The following ADAM23 variants were observed in gnomAD, a reference collection of about 807,000 sequenced individuals.
ADAM23 encodes the protein ADAM metallopeptidase domain 23, also known as disintegrin and metalloproteinase domain-containing protein 23.
In ADAM23, 33 loss-of-function variants were observed where a neutral mutation model predicts 120.1. That is an observed-to-expected ratio of 0.27 (90% CI 0.21 to 0.37). The LOEUF (loss-of-function observed/expected upper bound fraction) is 0.37, where lower values mean the gene tolerates loss of function less well. Ranked by LOEUF, ADAM23 falls within the 10% of genes least tolerant of loss-of-function variation. The pLI is 1.00. For missense variants in ADAM23, 862 were observed against 1,058.2 expected (o/e 0.81, Z 2.57); for synonymous variants, 367 against 375.2 (o/e 0.98, Z 0.25).
intron 21 of ADAM23, among the ~76,000 whole-genome samples, chr2:206,590,035 C>T (rs752144958): frequency 7.9e-5 from 12 of 151,980 alleles, no homozygotes; most frequent in East Asian, 1.9e-4. Flanking sequence ...CTAGTTAGTA[C>T]ATATTAAAGC....
chr2:206,529,881 G>A (rs1432287406), intron 3 of ADAM23, among the ~76,000 whole-genome samples: 8 of 151,316 alleles, frequency 5.3e-5, no homozygotes, highest in Non-Finnish European at 7.4e-5. Context: ...GCATGATCTC[G>A]GCTCACTGCA....
At chr2:206,497,387 A>G (rs1355351398) in intron 3 of ADAM23, among the ~76,000 whole-genome samples, 2 of 152,148 alleles carry the variant, frequency 1.3e-5, no homozygotes, top group African/African-American at 4.8e-5. Flanking sequence ...TATAAACAGA[A>G]CCAAAGACAA....
At chr2:206,502,669 A>G (rs754514190) in intron 3 of ADAM23, among the ~76,000 whole-genome samples, 22 of 152,070 alleles carry the variant, frequency 1.4e-4, no homozygotes, top group Non-Finnish European at 2.4e-4. Flanking sequence ...ATCTTTATCT[A>G]TCTCCAGTCC....
chr2:206,599,108 G>A (rs1172787840), intron 24 of ADAM23, among the ~76,000 whole-genome samples: 2 of 151,346 alleles, frequency 1.3e-5, no homozygotes, highest in Non-Finnish European at 2.9e-5. Context: ...GGGAGGCTGA[G>A]GTAGGAGAAT....
At chr2:206,529,106 A>T (rs1696997866) in intron 3 of ADAM23, among the ~76,000 whole-genome samples, 1 of 152,166 alleles carries the variant, frequency 6.6e-6, no homozygotes. Flanking sequence ...AAATAAAAAT[A>T]GTGACTGCCA....
At chr2:206,494,946 TA>T in intron 3 of ADAM23, among the ~76,000 whole-genome samples, 1 of 151,810 alleles carries the variant, frequency 6.6e-6, no homozygotes, top group East Asian at 1.9e-4. Context: ...GAAGTTTAGA[TA>T]AAAAAAGAAT....
chr2:206,551,018 T>A (rs1404449530), intron 9 of ADAM23, among the ~76,000 whole-genome samples: 1 of 152,238 alleles, frequency 6.6e-6, no homozygotes, highest in Non-Finnish European at 1.5e-5. Context: ...AAACATTCAT[T>A]GTTCCTCATT....
chr2:206,546,250 A>C (rs372005466), intron 6 of ADAM23, among the ~76,000 whole-genome samples: 1 of 152,180 alleles, frequency 6.6e-6, no homozygotes, highest in African/African-American at 2.4e-5. Flanking sequence ...TCGATTTTTT[A>C]AATTGTGTTG....
At chr2:206,575,906 T>G (rs2105835179) in intron 18 of ADAM23, among the ~76,000 whole-genome samples, 1 of 152,186 alleles carries the variant, frequency 6.6e-6, no homozygotes, top group East Asian at 1.9e-4. Flanking sequence ...GTAGGGGAGC[T>G]GGGGTTACAC....
At chr2:206,553,234 T>C (rs544607710) in intron 9 of ADAM23, among the ~76,000 whole-genome samples, 31 of 151,812 alleles carry the variant, frequency 2.0e-4, no homozygotes, top group African/African-American at 3.1e-4. Flanking sequence ...AATATATATA[T>C]ACACACACAC....
intron 3 of ADAM23, among the ~76,000 whole-genome samples, chr2:206,530,669 CTTTTTTTTTTTT>C (rs56206262): frequency 6.7e-5 from 5 of 74,836 alleles, no homozygotes; most frequent in South Asian, 5.2e-4. Flanking sequence ...TGTGTCTTGT[CTTTTTTTTTTTT>C]TTTTTTTTTT....
intron 3 of ADAM23, among the ~76,000 whole-genome samples, chr2:206,484,377 C>A (rs1695960560): frequency 6.6e-6 from 1 of 152,116 alleles, no homozygotes; most frequent in Non-Finnish European, 1.5e-5. Context: ...CATTAGAAAT[C>A]ATGTGCTATG....
intron 24 of ADAM23, among the ~76,000 whole-genome samples, chr2:206,601,310 T>C (rs2105857515): frequency 1.3e-5 from 2 of 152,290 alleles, no homozygotes; most frequent in Middle Eastern, 3.4e-3. Flanking sequence ...AAATCAGAAA[T>C]GAAAAGGGCC....
intron 17 of ADAM23, among the ~76,000 whole-genome samples, chr2:206,572,848 C>T (rs888836630): frequency 1.3e-5 from 2 of 152,124 alleles, no homozygotes; most frequent in African/African-American, 4.8e-5. Context: ...ATTTCCGTCA[C>T]ATTGTTTTCT....
chr2:206,456,783 A>G (rs1338483876), intron 2 of ADAM23, among the ~76,000 whole-genome samples: 1 of 152,144 alleles, frequency 6.6e-6, no homozygotes, highest in Non-Finnish European at 1.5e-5. Flanking sequence ...TTAAATTTAG[A>G]AGTAGTCAAA....
At chr2:206,564,191 C>T (rs974787874) in intron 13 of ADAM23, among the ~76,000 whole-genome samples, 24 of 151,546 alleles carry the variant, frequency 1.6e-4, no homozygotes, top group African/African-American at 5.1e-4. Context: ...TATATATATA[C>T]GTTGATATAT....
At chr2:206,570,226 A>G (rs1185301733) in intron 15 of ADAM23, among the ~76,000 whole-genome samples, 1 of 152,182 alleles carries the variant, frequency 6.6e-6, no homozygotes, top group Non-Finnish European at 1.5e-5. Flanking sequence ...TTTCAGTGAG[A>G]ATGATGGTCT....
intron 23 of ADAM23, 42 bp from the exon 24 acceptor site, chr2:206,596,009 A>C: frequency 6.7e-7 from 1 of 1,484,102 alleles, no homozygotes; most frequent in South Asian, 1.2e-5. Flanking sequence ...TTATTCTACA[A>C]AATACAGTGA....
intron 3 of ADAM23, among the ~76,000 whole-genome samples, chr2:206,515,913 CT>C (rs1280006996): frequency 2.0e-5 from 3 of 151,636 alleles, no homozygotes; most frequent in Non-Finnish European, 4.4e-5. Context: ...CTCATTTTGT[CT>C]CATACTCAAA....
Sources: allele counts gnomAD v4.1 joint callset (sites outside exome capture counted in the v4.1 genomes callset), GRCh38; gene constraint gnomAD v4.1.1; transcripts MANE v1.5; gene names NCBI Gene and HGNC (gene_info 2026-07-23, HGNC 2026-07-21).